NEO1: variants seen among roughly 807,000 people sequenced by gnomAD.
The protein encoded by NEO1 is neogenin 1.
A neutral mutation model predicts 159.7 loss-of-function variants in NEO1; 63 were observed. The observed-to-expected ratio is 0.39, with a 90% CI of 0.32 to 0.49. NEO1 has a LOEUF of 0.49. Among genes scored for constraint, NEO1 ranks in the 20% least tolerant of loss-of-function variants. The pLI is 0.85. For missense variants in NEO1, 1,615 were observed against 1,831.0 expected, an observed-to-expected ratio of 0.88 and a Z score of 2.15; for synonymous variants, 633 against 662.0, an observed-to-expected ratio of 0.96 and a Z score of 0.67.
In NEO1 at chr15:73,244,967, A is replaced by AC. The variant is rs1255905774; in HGVS notation, c.1606+469_1606+470insC. Among the ~76,000 whole-genome samples the AC allele has an allele frequency of 5.5e-5, 8 of 145,780 alleles. 1 individual carries two copies. The highest frequency in any genetic ancestry group is 1.2e-4 in the Non-Finnish European group (8 of 66,202). On this transcript the variant is annotated intron_variant, in intron 9 of 28. Transcript: ENST00000261908. ...GAGACTCTGTCTCAAAAAAAAAAAA[A>AC]AAAAAAAAAAAAAAAACAACAGCAA...
Position 73,289,255 on chromosome 15 carries a change from C to T in NEO1, c.3742+17C>T. ...CACCCCAGCGTAAGTAGAAGCATCT[C>T]TTTTCCTCAGTGCTACCAATCTGTT... is the stretch of plus-strand genomic sequence containing the variant. On this transcript the variant is annotated intron_variant, in intron 25 of 28. Coordinates refer to ENST00000261908, the MANE Select transcript of NEO1 (RefSeq NM_002499.4). The T allele has an allele frequency of 6.2e-7, 1 of 1,608,764 alleles. No homozygotes were observed. Among genetic ancestry groups the T allele is most frequent in the Non-Finnish European group, 8.5e-7 (1 of 1,175,368 alleles).
At position 73,253,428 on chromosome 15, in the gene NEO1, C is replaced by T; in HGVS notation, c.1923C>T (p.Ser641=). ...CCAGTGCTGCTCCTCAGAATCTGTC[C>T]TTGGAAGTGAGAAATTCAAAGGTAA... ...DVPSAAPQNL[S]LEVRNSKSIM... Residue 641 remains serine, a synonymous_variant, in exon 12 of 29, where the codon TCC becomes TCT. Transcript: ENST00000261908. The T allele has an allele frequency of 6.3e-7, 1 of 1,596,728 alleles. No homozygotes were observed. Among genetic ancestry groups the T allele is most frequent in the Non-Finnish European group, 8.5e-7 (1 of 1,172,910 alleles).
At chr15:73,169,606 A>G (rs943621329) in intron 5 of NEO1, among the ~76,000 whole-genome samples, 3 of 149,602 alleles carry the variant, frequency 2.0e-5, no homozygotes, top group Admixed American at 1.3e-4. Flanking sequence ...AAGTCTGTTT[A>G]CTAAAAATGC....
intron 1 of NEO1, among the ~76,000 whole-genome samples, chr15:73,063,089 T>G (rs1345405533): frequency 6.6e-6 from 1 of 152,180 alleles, no homozygotes; most frequent in Non-Finnish European, 1.5e-5. Flanking sequence ...GAATAAGAAT[T>G]ATATAAAATG....
chr15:73,071,156 C>T (rs1046268760), intron 1 of NEO1, among the ~76,000 whole-genome samples: 4 of 152,074 alleles, frequency 2.6e-5, no homozygotes, highest in South Asian at 4.2e-4. Flanking sequence ...CTATGTTGCC[C>T]AGGCTGGTCT....
At chr15:73,199,556 T>A (rs1307952780) in intron 7 of NEO1, among the ~76,000 whole-genome samples, 1 of 152,228 alleles carries the variant, frequency 6.6e-6, no homozygotes, top group Non-Finnish European at 1.5e-5. Flanking sequence ...GCTAATATTT[T>A]CTTAAGGATT....
At chr15:73,125,434 G>T (rs2151677357) in intron 3 of NEO1, among the ~76,000 whole-genome samples, 1 of 152,332 alleles carries the variant, frequency 6.6e-6, no homozygotes, top group Admixed American at 6.5e-5. Flanking sequence ...ATTCACCCTT[G>T]TGAGTTGTCA....
chr15:73,288,467 C>G lies in NEO1; in HGVS notation c.3565C>G (p.Pro1189Ala), dbSNP rs747583201. 1.9e-6 allele frequency: 3 copies of G among 1,614,166 alleles called. No homozygotes were observed. Among genetic ancestry groups the G allele is most frequent in the South Asian group, 1.1e-5 (1 of 91,068 alleles). ...PDPNPIMTDT[P>A]IPRNSQDITP... ...CCCAAACCCCATCATGACTGATACTCCAATTCCTCGCAACTCTCAAGATAT... is the reference window on the plus strand; with the variant it reads ...CCCAAACCCCATCATGACTGATACTGCAATTCCTCGCAACTCTCAAGATAT... The change falls in exon 24 of 29, where the codon CCA becomes GCA. Residue 1189 changes from proline (P) to alanine (A), a missense_variant. Physicochemically the swap from Pro to Ala is conservative, Grantham distance 27. Transcript: ENST00000261908.
intron 1 of NEO1, among the ~76,000 whole-genome samples, chr15:73,074,965 CTGGCATATAA>C (rs1338329489): frequency 6.6e-6 from 1 of 152,152 alleles, no homozygotes; most frequent in Non-Finnish European, 1.5e-5. Context: ...AACACAGTGC[CTGGCATATAA>C]TGTGTCTCCA....
chr15:73,152,146 G>A (rs2033422009), intron 5 of NEO1, among the ~76,000 whole-genome samples: 1 of 152,106 alleles, frequency 6.6e-6, no homozygotes, highest in Non-Finnish European at 1.5e-5. Flanking sequence ...AGTTCCTGGC[G>A]CATATCTCCC....
At position 73,126,408 on chromosome 15, in the gene NEO1, T is replaced by C; in HGVS notation, c.725-9T>C. On this transcript the variant is annotated splice_polypyrimidine_tract_variant and intron_variant, in intron 3 of 28. Transcript: ENST00000261908. Reference sequence around the variant, plus strand: ...AATTATTGTCTTTGTTAATTTTTTTTTTTTTTAGATCCTGAGGTGATATCA... The same window carrying C: ...AATTATTGTCTTTGTTAATTTTTTTCTTTTTTAGATCCTGAGGTGATATCA... 1 of 1,573,838 alleles carries C rather than the reference T, an allele frequency of 6.4e-7. No homozygotes were observed. Among genetic ancestry groups the C allele is most frequent in the Non-Finnish European group, 8.6e-7 (1 of 1,167,224 alleles).
chr15:73,061,026 A>G (rs55916847), intron 1 of NEO1, among the ~76,000 whole-genome samples: 43,089 of 152,200 alleles, frequency 0.28, 7,870 homozygotes, highest in Middle Eastern at 0.43. Flanking sequence ...ACTGAAGACT[A>G]GGGAATAAGA....
At chr15:73,241,871 G>T (rs1050713449) in intron 8 of NEO1, among the ~76,000 whole-genome samples, 5 of 151,938 alleles carry the variant, frequency 3.3e-5, no homozygotes, top group African/African-American at 9.7e-5. Context: ...TTTGATGTGG[G>T]TATTAGTAAC....
chr15:73,181,218 A>G (rs983171281), intron 7 of NEO1, among the ~76,000 whole-genome samples: 4 of 152,230 alleles, frequency 2.6e-5, no homozygotes, highest in African/African-American at 9.6e-5. Context: ...CTTTAACAGC[A>G]GAATAGGATC....
intron 7 of NEO1, among the ~76,000 whole-genome samples, chr15:73,224,106 T>C (rs1208360038): frequency 6.6e-6 from 1 of 152,210 alleles, no homozygotes; most frequent in African/African-American, 2.4e-5. Context: ...ATTGTTATGT[T>C]TGAGGAGGCT....
At chr15:73,293,575 G>A in intron 26 of NEO1, 27 bp downstream of exon 26, 1 of 1,600,566 alleles carries the variant, frequency 6.2e-7, no homozygotes, top group Non-Finnish European at 8.5e-7. Flanking sequence ...AAGCCCAGAT[G>A]GAAACCATTC....
chr15:73,201,456 C>T (rs904743215), intron 7 of NEO1, among the ~76,000 whole-genome samples: 2 of 151,806 alleles, frequency 1.3e-5, no homozygotes, highest in Admixed American at 6.6e-5. Flanking sequence ...TATTTAAATG[C>T]GTTAAAGTAT....
intron 1 of NEO1, among the ~76,000 whole-genome samples, chr15:73,067,007 G>T (rs2068255187): frequency 6.6e-6 from 1 of 152,170 alleles, no homozygotes; most frequent in African/African-American, 2.4e-5. Flanking sequence ...GGGAGAATTG[G>T]TCTAAACCAT....
chr15:73,082,494 G>A (rs950586506), intron 1 of NEO1, among the ~76,000 whole-genome samples: 7 of 151,352 alleles, frequency 4.6e-5, no homozygotes, highest in Admixed American at 2.6e-4. Context: ...ATTTCAATGT[G>A]GATAGTCATT....
Sources: gnomAD v4.1 joint callset for allele counts (sites outside exome capture counted in the v4.1 genomes callset) on GRCh38, gnomAD v4.1.1 for gene constraint, MANE v1.5 for transcripts, NCBI Gene and HGNC (gene_info 2026-07-23, HGNC 2026-07-21) for gene names.